The following LYRM4 variants were observed in gnomAD, a reference collection of about 807,000 sequenced individuals.
LYRM4 encodes LYR motif containing 4, also known as LYR motif-containing protein 4.
LYRM4 carries 9 observed loss-of-function variants against 11.7 expected under a neutral mutation model. That is an observed-to-expected ratio of 0.77 (90% CI 0.46 to 1.34). The LOEUF (loss-of-function observed/expected upper bound fraction) is 1.34. Ranked by LOEUF, LYRM4 falls within the 40% of genes most tolerant of loss-of-function variation. LYRM4 has a pLI of 0.00. For synonymous variants in LYRM4, 42 were observed against 40.4 expected (o/e 1.04, Z -0.15); for missense variants, 133 against 112.5 (o/e 1.18, Z -0.82).
rs1561899162 is a variant in LYRM4 at position 5,245,148 on chromosome 6, AT to A, written c.86+15499del. Among the ~76,000 whole-genome samples, 11 of 104,188 alleles carry A rather than the reference AT, an allele frequency of 1.1e-4. 1 individual carries two copies. The highest frequency in any genetic ancestry group is 2.1e-4 in the African/African-American group (6 of 28,568). The allele number at this position is 104,188 out of a possible 152,430, so 68.4% of individuals were successfully genotyped here. The stretch of plus-strand genomic sequence containing the variant: ...TATATATATATATATATATATATAT[AT>A]ATATATATATATATAAAATAGGTGA... On this transcript the variant is annotated intron_variant, in intron 1 of 2. Transcript: ENST00000330636.
the LYRM4 span, chr6:5,087,090 C>T: frequency 3.5e-3 from 543 of 153,592 alleles, 2 homozygotes; most frequent in African/African-American, 0.012. Context: ...AGAGAAAACC[C>T]TTCGGGGCTG....
In LYRM4 at chr6:5,108,758, T is replaced by C; in HGVS notation, c.*665A>G. 8.1e-6 allele frequency: 8 copies of C among 983,990 alleles called. No homozygotes were observed. Among genetic ancestry groups the C allele is most frequent in the Non-Finnish European group, 9.7e-6 (8 of 828,224 alleles). 61.0% of individuals were successfully genotyped at this position (983,990 alleles called of 1,614,324 possible). A position where few individuals can be genotyped will look rare whatever the true frequency, so the allele number is the denominator to read the frequency against. The stretch of plus-strand genomic sequence containing the variant: ...GTGTGGGGAGGGGCTTGAGCCTGCA[T>C]TTCCAGCAAATTCCCAGGTGGGGCT... On this transcript the variant is annotated 3_prime_UTR_variant, in exon 3 of 3. Coordinates refer to ENST00000330636, the MANE Select transcript of LYRM4 (RefSeq NM_020408.6).
intron 1 of LYRM4, among the ~76,000 whole-genome samples, chr6:5,227,041 T>C (rs2127737349): frequency 6.6e-6 from 1 of 152,224 alleles, no homozygotes; most frequent in African/African-American, 2.4e-5. Flanking sequence ...AGGGGTTGGA[T>C]TAAGAAGTAT....
At position 5,260,710 on chromosome 6, in the gene LYRM4, T is replaced by G; in HGVS notation, c.24A>C (p.Gln8His). 6.5e-7 allele frequency: 1 copy of G among 1,540,734 alleles called. No individual in the cohort carries two copies. The highest frequency in any genetic ancestry group is 8.8e-7 in the Non-Finnish European group (1 of 1,142,304). ...GCATCGCCCGGTACAGAGATAACACTTGTGCGCGACTGGAGGCTGCCATTT... is the reference window on the plus strand; with the variant it reads ...GCATCGCCCGGTACAGAGATAACACGTGTGCGCGACTGGAGGCTGCCATTT... Reference protein sequence around the residue: MAASSRAQVLSLYRAMLR... With the variant: MAASSRAHVLSLYRAMLR... The change falls in exon 1 of 3, where the codon CAA (glutamine) becomes CAC (histidine). Residue 8 changes from glutamine (Q) to histidine (H), a missense_variant. Physicochemically the swap from Gln to His is conservative, Grantham distance 24. Coordinates refer to ENST00000330636, the MANE Select transcript of LYRM4 (RefSeq NM_020408.6).
In LYRM4 at chr6:5,200,595, G is replaced by A. The variant is rs902298844; in HGVS notation, c.207+16023C>T. On this transcript the variant is annotated intron_variant, in intron 2 of 2. Transcript: ENST00000330636. ...AATTTAGAGAGATCCAGAGATCAGG[G>A]AAAGTCATCACAAAAACCAAAGACA... Among the ~76,000 whole-genome samples the A allele has an allele frequency of 5.3e-5, 8 of 152,314 alleles. No individual in the cohort carries two copies. The South Asian group carries it at 1.7e-3, about 32-fold the overall frequency.
intron 2 of LYRM4, among the ~76,000 whole-genome samples, chr6:5,193,153 G>A (rs1419498524): frequency 2.0e-5 from 3 of 152,164 alleles, no homozygotes; most frequent in South Asian, 2.1e-4. Flanking sequence ...AACAAGAAGA[G>A]AGGGCTGACA....
At chr6:5,051,446 C>A in the LYRM4 span, among the ~76,000 whole-genome samples, 583 of 152,172 alleles carry the variant, frequency 3.8e-3, 5 homozygotes, top group African/African-American at 0.013. Flanking sequence ...TCCCATACAC[C>A]GAATCCCTGG....
downstream of LYRM4, among the ~76,000 whole-genome samples, chr6:5,100,445 C>G (rs544088071): frequency 3.3e-5 from 5 of 152,312 alleles, no homozygotes; most frequent in East Asian, 1.9e-4. Flanking sequence ...TGCTCTGGAC[C>G]TCCCAGGCCT....
At chr6:5,115,835 G>A (rs574295409) in intron 2 of LYRM4, among the ~76,000 whole-genome samples, 21 of 152,118 alleles carry the variant, frequency 1.4e-4, no homozygotes, top group Non-Finnish European at 2.6e-4. Context: ...CAATGTGAAT[G>A]GTATTAAGAG....
chr6:5,086,031 C>G, the LYRM4 span: 2 of 1,491,132 alleles, frequency 1.3e-6, no homozygotes, highest in Admixed American at 2.2e-5. Context: ...GGCTGCTGGC[C>G]GCGGCGGCAG....
chr6:5,189,605 T>C (rs1760637352), intron 2 of LYRM4, among the ~76,000 whole-genome samples: 1 of 152,212 alleles, frequency 6.6e-6, no homozygotes, highest in Admixed American at 6.5e-5. Context: ...CTCTACATTA[T>C]TCCACATGGT....
chr6:5,141,200 T>C (rs539524007), intron 2 of LYRM4, among the ~76,000 whole-genome samples: 1 of 152,148 alleles, frequency 6.6e-6, no homozygotes, highest in Non-Finnish European at 1.5e-5. Flanking sequence ...ATGGGGGTGG[T>C]ATGTCTCAGG....
chr6:5,085,053 G>A, the LYRM4 span: 3 of 181,504 alleles, frequency 1.7e-5, no homozygotes, highest in Non-Finnish European at 3.4e-5. Flanking sequence ...CCCCCACTTC[G>A]AGGCACTCAA....
At chr6:5,092,552 A>T in the LYRM4 span, among the ~76,000 whole-genome samples, 1 of 70,758 alleles carries the variant, frequency 1.4e-5, no homozygotes, top group Non-Finnish European at 2.7e-5. Context: ...TCTACTAAAA[A>T]TATGAAAAAA....
the LYRM4 span, chr6:5,086,928 T>C: frequency 4.1e-5 from 11 of 265,798 alleles, no homozygotes; most frequent in African/African-American, 2.2e-4. Flanking sequence ...GGCCTTGGGA[T>C]TGGTTTTTAA....
chr6:5,067,308 CT>C, the LYRM4 span, among the ~76,000 whole-genome samples: 1 of 152,210 alleles, frequency 6.6e-6, no homozygotes, highest in Non-Finnish European at 1.5e-5. Flanking sequence ...AATTGTGCAG[CT>C]TTTGAGGGTT....
intron 2 of LYRM4, among the ~76,000 whole-genome samples, chr6:5,139,524 A>T (rs936830725): frequency 3.9e-5 from 6 of 152,266 alleles, no homozygotes; most frequent in Non-Finnish European, 8.8e-5. Flanking sequence ...GTTTAATATT[A>T]ACAAGATATT....
At chr6:5,136,740 G>T (rs886991798) in intron 2 of LYRM4, 1 of 985,400 alleles carries the variant, frequency 1.0e-6, no homozygotes. Context: ...AAGGAGCAGC[G>T]CCTGTAGGAA....
At chr6:5,228,425 T>C (rs1343923657) in intron 1 of LYRM4, among the ~76,000 whole-genome samples, 2 of 151,998 alleles carry the variant, frequency 1.3e-5, no homozygotes, top group East Asian at 3.9e-4. Context: ...TACAGGTGCA[T>C]GCCACCATGT....
Sources: gnomAD v4.1 joint callset for allele counts (sites outside exome capture counted in the v4.1 genomes callset) on GRCh38, gnomAD v4.1.1 for gene constraint, MANE v1.5 for transcripts, NCBI Gene and HGNC (gene_info 2026-07-23, HGNC 2026-07-21) for gene names.